TNFSF4: variants seen among roughly 807,000 people sequenced by gnomAD.
The protein encoded by TNFSF4 is TNF superfamily member 4.
Under a neutral mutation model 7.3 loss-of-function variants are expected in TNFSF4, and 4 were observed. The observed-to-expected ratio is 0.55, with a 90% CI of 0.27 to 1.25. The LOEUF (loss-of-function observed/expected upper bound fraction) is 1.25, where lower values mean the gene tolerates loss of function less well. Ranked by LOEUF, TNFSF4 falls within the 50% of genes most tolerant of loss-of-function variation. TNFSF4 has a pLI of 0.12. For synonymous variants in TNFSF4, 76 were observed against 83.7 expected (o/e 0.91, Z 0.50); for missense variants, 181 against 208.8 (o/e 0.87, Z 0.82).
chr1:173,296,114 A>C, the TNFSF4 span, among the ~76,000 whole-genome samples: 5 of 151,976 alleles, frequency 3.3e-5, no homozygotes, highest in African/African-American at 1.2e-4. Flanking sequence ...ACACAGAAGG[A>C]GTGCCTAGCC....
chr1:173,440,594 A>C, the TNFSF4 span: 2 of 152,352 alleles, frequency 1.3e-5, no homozygotes, highest in East Asian at 1.9e-4. Flanking sequence ...TATAACTTTC[A>C]TTCTGGTGGA....
the TNFSF4 span, among the ~76,000 whole-genome samples, chr1:173,408,981 G>C: frequency 6.6e-6 from 1 of 152,120 alleles, no homozygotes; most frequent in Non-Finnish European, 1.5e-5. Context: ...AAGAGGACTG[G>C]CAGACACCTC....
the TNFSF4 span, among the ~76,000 whole-genome samples, chr1:173,421,655 T>C: frequency 6.6e-6 from 1 of 152,166 alleles, no homozygotes; most frequent in African/African-American, 2.4e-5. Flanking sequence ...TCTGTCTTCC[T>C]TGCCAATTTA....
At chr1:173,367,891 G>A in the TNFSF4 span, among the ~76,000 whole-genome samples, 1 of 152,168 alleles carries the variant, frequency 6.6e-6, no homozygotes, top group Non-Finnish European at 1.5e-5. Flanking sequence ...GGACTTGCTG[G>A]GTTGAGTGGG....
chr1:173,175,925 G>A, the TNFSF4 span, among the ~76,000 whole-genome samples: 5 of 152,232 alleles, frequency 3.3e-5, no homozygotes, highest in Middle Eastern at 3.4e-3. Flanking sequence ...AAGACAGGAG[G>A]AAGTCATGGT....
chr1:173,183,898 T>C lies in TNFSF4; in HGVS notation c.*2618A>G, dbSNP rs1032173816. On this transcript the variant is annotated 3_prime_UTR_variant, in exon 3 of 3. Coordinates refer to ENST00000281834, the MANE Select transcript of TNFSF4 (RefSeq NM_003326.5). ...CAGTATACTTAAGAACAAATTATGA[T>C]TTGGATCGGGATTGGAATCCCTTAA... 1.3e-5 allele frequency: 2 copies of C among 152,162 alleles called. No individual in the cohort carries two copies. The highest frequency in any genetic ancestry group is 2.9e-5 in the Non-Finnish European group (2 of 68,030). The allele number at this position is 152,162 out of a possible 1,614,324, so 9.4% of individuals were successfully genotyped here.
At chr1:173,310,842 T>C in the TNFSF4 span, among the ~76,000 whole-genome samples, 1 of 151,870 alleles carries the variant, frequency 6.6e-6, no homozygotes, top group Non-Finnish European at 1.5e-5. Flanking sequence ...TTCTTCATGG[T>C]AAGTTGAAAC....
the TNFSF4 span, among the ~76,000 whole-genome samples, chr1:173,374,809 C>T: frequency 6.6e-6 from 1 of 152,268 alleles, no homozygotes; most frequent in South Asian, 2.1e-4. Flanking sequence ...CAGTGCCCCT[C>T]AAAGCTCAAG....
the TNFSF4 span, among the ~76,000 whole-genome samples, chr1:173,283,262 C>A: frequency 6.6e-6 from 1 of 152,126 alleles, no homozygotes; most frequent in Non-Finnish European, 1.5e-5. Context: ...TCTGAAGGCA[C>A]CAATCAACAA....
chr1:173,430,231 T>C, the TNFSF4 span, among the ~76,000 whole-genome samples: 3 of 152,228 alleles, frequency 2.0e-5, no homozygotes, highest in African/African-American at 7.2e-5. Context: ...ATCTTCTTTA[T>C]TTACTCAGCC....
chr1:173,311,185 C>A, the TNFSF4 span, among the ~76,000 whole-genome samples: 3 of 151,802 alleles, frequency 2.0e-5, no homozygotes, highest in Non-Finnish European at 4.4e-5. Flanking sequence ...TTTATTGCTC[C>A]TTTTTTGCCA....
the TNFSF4 span, among the ~76,000 whole-genome samples, chr1:173,414,491 T>C: frequency 6.6e-6 from 1 of 152,224 alleles, no homozygotes; most frequent in Non-Finnish European, 1.5e-5. Context: ...ACAAGTATTG[T>C]CTCAATATTG....
the TNFSF4 span, among the ~76,000 whole-genome samples, chr1:173,296,839 G>T: frequency 3.3e-5 from 5 of 152,062 alleles, no homozygotes; most frequent in East Asian, 9.7e-4. Context: ...GGTATGGATG[G>T]ACAGATGTAA....
chr1:173,332,434 G>C, the TNFSF4 span, among the ~76,000 whole-genome samples: 3 of 152,324 alleles, frequency 2.0e-5, no homozygotes, highest in African/African-American at 7.2e-5. Flanking sequence ...AGGAGGCTGA[G>C]GCAGGAGAAT....
At chr1:173,322,882 G>T in the TNFSF4 span, among the ~76,000 whole-genome samples, 3 of 152,170 alleles carry the variant, frequency 2.0e-5, no homozygotes, top group African/African-American at 7.2e-5. Context: ...TAAACAAAGC[G>T]GCAGGGAAGC....
At chr1:173,231,102 A>G in the TNFSF4 span, among the ~76,000 whole-genome samples, 1 of 152,234 alleles carries the variant, frequency 6.6e-6, no homozygotes, top group African/African-American at 2.4e-5. Flanking sequence ...TTATGAGGCC[A>G]GCATCATCCT....
the TNFSF4 span, among the ~76,000 whole-genome samples, chr1:173,272,774 CT>C: frequency 3.3e-5 from 5 of 152,176 alleles, no homozygotes; most frequent in Non-Finnish European, 7.4e-5. Flanking sequence ...ACCACTTCCA[CT>C]TCTCGAAAGC....
At chr1:173,406,860 G>C in the TNFSF4 span, among the ~76,000 whole-genome samples, 81 of 152,304 alleles carry the variant, frequency 5.3e-4, 1 homozygote, top group African/African-American at 1.9e-3. Context: ...GGTAATTACG[G>C]AGAGCTTCCG....
At chr1:173,387,190 A>G in the TNFSF4 span, among the ~76,000 whole-genome samples, 1 of 152,238 alleles carries the variant, frequency 6.6e-6, no homozygotes, top group African/African-American at 2.4e-5. Context: ...CAGCAATGAA[A>G]TGCTGTGATT....
Sources: allele counts gnomAD v4.1 joint callset (sites outside exome capture counted in the v4.1 genomes callset), GRCh38; gene constraint gnomAD v4.1.1; transcripts MANE v1.5; gene names NCBI Gene and HGNC (gene_info 2026-07-23, HGNC 2026-07-21).